The following RNF216 variants were observed in gnomAD, a reference collection of about 807,000 sequenced individuals.
RNF216 encodes the protein E3 ubiquitin-protein ligase RNF216.
A neutral mutation model predicts 110.8 loss-of-function variants in RNF216; 72 were observed. The observed-to-expected ratio is 0.65, with a 90% CI of 0.54 to 0.79. The LOEUF (loss-of-function observed/expected upper bound fraction) is 0.79, where lower values mean the gene tolerates loss of function less well. Among genes scored for constraint, RNF216 ranks in the 30% least tolerant of loss-of-function variants. The probability of loss-of-function intolerance (pLI) is 0.00; values close to 1 mark genes in which losing one functional copy is unlikely to be tolerated. For missense variants in RNF216, 1,342 were observed against 1,141.2 expected, an observed-to-expected ratio of 1.18 and a Z score of -2.54; for synonymous variants, 495 against 407.5, an observed-to-expected ratio of 1.21 and a Z score of -2.59.
chr7:5,745,893 T>TTA lies in RNF216; in HGVS notation c.202-4079_202-4078insTA, dbSNP rs1554262461. ...CCTGGGTGATAGATTGAGACTGTCTTAAAAAAAAAAAAAAAAAAAGAGCAA... is the reference window on the plus strand; with the variant it reads ...CCTGGGTGATAGATTGAGACTGTCTTTAAAAAAAAAAAAAAAAAAAAGAGCAA... On this transcript the variant is annotated intron_variant, in intron 3 of 16. Coordinates refer to ENST00000389902, the MANE Select transcript of RNF216 (RefSeq NM_207111.4). Among the ~76,000 whole-genome samples, 78 of 129,998 alleles carry TTA rather than the reference T, an allele frequency of 6.0e-4. 1 individual carries two copies. The highest frequency in any genetic ancestry group is 1.6e-3 in the African/African-American group (55 of 34,662). The allele number at this position is 129,998 out of a possible 152,430, so 85.3% of individuals were successfully genotyped here.
intron 16 of RNF216, among the ~76,000 whole-genome samples, 189 bp from the exon 17 acceptor site, chr7:5,623,368 G>C (rs947746821): frequency 2.0e-5 from 3 of 152,040 alleles, no homozygotes; most frequent in African/African-American, 2.4e-5. Flanking sequence ...CCAGTGTCTT[G>C]CTCCACAGTG....
intron 15 of RNF216, among the ~76,000 whole-genome samples, chr7:5,630,783 C>T (rs1584339545): frequency 6.6e-6 from 1 of 152,200 alleles, no homozygotes; most frequent in East Asian, 1.9e-4. Context: ...TGTCTACACA[C>T]CTCACATGGA....
chr7:5,753,287 G>C (rs1795431158), intron 2 of RNF216, among the ~76,000 whole-genome samples: 1 of 152,176 alleles, frequency 6.6e-6, no homozygotes, highest in African/African-American at 2.4e-5. Flanking sequence ...TCTTTAAAGT[G>C]AAATAATGGT....
At chr7:5,668,191 C>A (rs553649050) in intron 13 of RNF216, among the ~76,000 whole-genome samples, 11 of 151,584 alleles carry the variant, frequency 7.3e-5, no homozygotes, top group Non-Finnish European at 1.2e-4. Flanking sequence ...TCATAAAAAT[C>A]AAATCCCTTC....
chr7:5,778,188 T>C (rs1036316283), intron 1 of RNF216, among the ~76,000 whole-genome samples: 8 of 152,328 alleles, frequency 5.3e-5, no homozygotes, highest in Middle Eastern at 3.4e-3. Flanking sequence ...ATAGCGGGCC[T>C]TACCTCATAC....
chr7:5,698,536 C>G (rs1791772792), intron 13 of RNF216, among the ~76,000 whole-genome samples: 1 of 152,100 alleles, frequency 6.6e-6, no homozygotes, highest in Non-Finnish European at 1.5e-5. Flanking sequence ...ACTACAGATG[C>G]ACAGCACCCA....
intron 13 of RNF216, among the ~76,000 whole-genome samples, chr7:5,695,436 G>A (rs1791565214): frequency 6.6e-6 from 1 of 152,160 alleles, no homozygotes; most frequent in Non-Finnish European, 1.5e-5. Context: ...TTTTTCTTAT[G>A]GCTGCTGCTG....
At chr7:5,704,537 G>C (rs1407479530) in intron 13 of RNF216, among the ~76,000 whole-genome samples, 6 of 152,326 alleles carry the variant, frequency 3.9e-5, no homozygotes, top group African/African-American at 1.4e-4. Context: ...GATTTGCTTT[G>C]GTACTGAGCC....
intron 2 of RNF216, chr7:5,760,447 C>A: frequency 2.6e-6 from 1 of 385,438 alleles, no homozygotes; most frequent in South Asian, 1.8e-5. Context: ...ACCCAGGAGG[C>A]GGAGCTCGTG....
At chr7:5,738,324 C>CA in intron 5 of RNF216, among the ~76,000 whole-genome samples, 1 of 152,186 alleles carries the variant, frequency 6.6e-6, no homozygotes, top group East Asian at 1.9e-4. Flanking sequence ...TTCCTGGACT[C>CA]AGGCAATCCT....
At chr7:5,629,461 G>GA (rs34015908) in intron 15 of RNF216, among the ~76,000 whole-genome samples, 26,387 of 147,674 alleles carry the variant, frequency 0.18, 3,972 homozygotes, top group African/African-American at 0.42. Flanking sequence ...TCCTGTCTCA[G>GA]AAAAAAAAAA....
intron 1 of RNF216, among the ~76,000 whole-genome samples, chr7:5,778,749 T>G (rs908097436): frequency 1.7e-5 from 1 of 57,560 alleles, no homozygotes; most frequent in African/African-American, 5.0e-5. Context: ...TTTTTAAAAT[T>G]ATTATTATTT....
intron 13 of RNF216, among the ~76,000 whole-genome samples, chr7:5,704,972 C>T (rs764452328): frequency 3.9e-5 from 6 of 152,172 alleles, no homozygotes; most frequent in Non-Finnish European, 7.3e-5. Context: ...CACTGCAAAA[C>T]GTTGCTGAGG....
intron 15 of RNF216, among the ~76,000 whole-genome samples, chr7:5,629,640 A>C (rs1325373950): frequency 6.6e-6 from 1 of 152,002 alleles, no homozygotes; most frequent in African/African-American, 2.4e-5. Flanking sequence ...AGGCCTGGCC[A>C]ATATGGTGAA....
chr7:5,647,641 A>AAT (rs1395994260), intron 14 of RNF216, among the ~76,000 whole-genome samples: 1 of 151,624 alleles, frequency 6.6e-6, no homozygotes, highest in Admixed American at 6.6e-5. Flanking sequence ...TCCTATACTT[A>AAT]ATCTCTCCCA....
chr7:5,711,938 T>C (rs1792725491), intron 12 of RNF216, 99 bp from the exon 13 acceptor site: 3 of 1,012,190 alleles, frequency 3.0e-6, no homozygotes, highest in East Asian at 5.0e-5. Flanking sequence ...AGTTTTGAGC[T>C]GGACATTCAC....
chr7:5,708,513 C>T (rs1444209772), intron 13 of RNF216, among the ~76,000 whole-genome samples: 1 of 152,158 alleles, frequency 6.6e-6, no homozygotes, highest in African/African-American at 2.4e-5. Context: ...AATTCAAGTA[C>T]CCATACAATC....
chr7:5,652,655 A>G, intron 13 of RNF216, 145 bp from the exon 14 acceptor site: 2 of 618,686 alleles, frequency 3.2e-6, no homozygotes, highest in East Asian at 2.8e-5. Flanking sequence ...GGATATTTCT[A>G]AAGACATCTT....
chr7:5,739,479 G>T, intron 4 of RNF216, 127 bp from the exon 5 acceptor site: 1 of 908,646 alleles, frequency 1.1e-6, no homozygotes, highest in Non-Finnish European at 1.8e-6. Flanking sequence ...AAGCAGGTCT[G>T]TGTGTGTCTT....
Sources: allele counts gnomAD v4.1 joint callset (sites outside exome capture counted in the v4.1 genomes callset), GRCh38; gene constraint gnomAD v4.1.1; transcripts MANE v1.5; gene names NCBI Gene and HGNC (gene_info 2026-07-23, HGNC 2026-07-21).